The following NKX2-6 variants were observed in gnomAD, a reference collection of about 807,000 sequenced individuals.
NKX2-6 encodes NK2 homeobox 6, also known as homeobox protein Nkx-2.6.
Under a neutral mutation model 8.6 loss-of-function variants are expected in NKX2-6, and 8 were observed. The ratio of observed to expected loss-of-function variants is 0.93; its 90% CI spans 0.54 to 1.67. The LOEUF is 1.67. Ranked by LOEUF, NKX2-6 falls within the 40% of genes most tolerant of loss-of-function variation. The pLI is 0.00. For missense variants in NKX2-6, 475 were observed against 423.1 expected (o/e 1.12, Z -1.08); for synonymous variants, 210 against 199.3 (o/e 1.05, Z -0.45).
rs552633150 is a variant in NKX2-6, at chr8:23,702,913, C to T, written c.444G>A (p.Glu148=). The change falls in exon 2 of 2, where the codon GAG becomes GAA. Residue 148 remains glutamate, a synonymous_variant. Coordinates refer to ENST00000325017, the MANE Select transcript of NKX2-6 (RefSeq NM_001136271.3). ...LFSQAQVLAL[E]RRFKQQRYLS... ...GGTACCGCTGCTGCTTGAAGCGCCG[C>T]TCCAGGGCCAGCACCTGCGCCTGCG... 229 of 1,552,006 alleles carry T rather than the reference C, an allele frequency of 1.5e-4. No individual in the cohort carries two copies. Among genetic ancestry groups the T allele is most frequent in the African/African-American group, 3.0e-4 (22 of 73,244 alleles).
chr8:23,706,290 C>A, intron 1 of NKX2-6, 35 bp downstream of exon 1: 1 of 1,498,876 alleles, frequency 6.7e-7, no homozygotes, highest in Non-Finnish European at 9.0e-7. Context: ...CCCCACATTC[C>A]CCCCGTAGGA....
Position 23,702,449 on chromosome 8 carries a change from C to A in NKX2-6, c.*2G>T. The A allele has an allele frequency of 1.4e-6, 2 of 1,449,396 alleles. No homozygotes were observed. The highest frequency in any genetic ancestry group is 1.8e-6 in the Non-Finnish European group (2 of 1,100,696). The allele number at this position is 1,449,396 out of a possible 1,614,324, so 89.8% of individuals were successfully genotyped here. A position where few individuals can be genotyped will look rare whatever the true frequency, so the allele number is the denominator to read the frequency against. On this transcript the variant is annotated 3_prime_UTR_variant, in exon 2 of 2. Coordinates refer to ENST00000325017, the MANE Select transcript of NKX2-6 (RefSeq NM_001136271.3). Reference sequence around the variant, plus strand: ...TGGTTGGCAGAGTCAAGCCGAGGAGCCTCACCAGGCCCTGACACCCTGCAG... The same window carrying A: ...TGGTTGGCAGAGTCAAGCCGAGGAGACTCACCAGGCCCTGACACCCTGCAG...
chr8:23,701,962 C>T lies in NKX2-6; in HGVS notation c.*489G>A, dbSNP rs943706142. On this transcript the variant is annotated 3_prime_UTR_variant, in exon 2 of 2. Transcript: ENST00000325017. Reference sequence around the variant, plus strand: ...GTTACTCTTCGTGAACTTCCCGGATCCTCAAGTTCCCAGCTCTTCAGCCCC... The same window carrying T: ...GTTACTCTTCGTGAACTTCCCGGATTCTCAAGTTCCCAGCTCTTCAGCCCC... 9.2e-5 allele frequency among the ~76,000 whole-genome samples: 14 copies of T among 152,146 alleles called. No homozygotes were observed. Among genetic ancestry groups the T allele is most frequent in the African/African-American group, 3.4e-4 (14 of 41,434 alleles).
In NKX2-6 at chr8:23,702,687, C is replaced by G. The variant is rs991694173; in HGVS notation, c.670G>C (p.Gly224Arg). Residue 224 changes from glycine to arginine, a missense_variant, in exon 2 of 2, where the codon GGG (glycine) becomes CGG (arginine). Physicochemically the swap from Gly to Arg is moderately radical, Grantham distance 125. Transcript: ENST00000325017. ...VRDGKPCLGP[G>R]PGAPAFPSPY... ...CTGGGGAAGGCAGGTGCGCCGGGCC[C>G]GGGGCCCAGGCAGGGCTTGCCATCG... The G allele has an allele frequency of 6.4e-7, 1 of 1,550,842 alleles. No homozygotes were observed. The highest frequency in any genetic ancestry group is 1.4e-5 in the African/African-American group (1 of 73,018).
rs913676984 is a variant in NKX2-6 at position 23,702,942 on chromosome 8, A to C, written c.415T>G (p.Phe139Val). 5.2e-6 allele frequency: 8 copies of C among 1,548,802 alleles called. No individual in the cohort carries two copies. Among genetic ancestry groups the C allele is most frequent in the African/African-American group, 1.4e-5 (1 of 72,990 alleles). The change falls in exon 2 of 2, where the codon TTT becomes GTT. Residue 139 changes from phenylalanine to valine, a missense_variant. Phe to Val is a conservative substitution (Grantham distance 50). Coordinates refer to ENST00000325017, the MANE Select transcript of NKX2-6 (RefSeq NM_001136271.3). ...ARQRRKPRVL[F>V]SQAQVLALER... Reference sequence around the variant, plus strand: ...AGGGCCAGCACCTGCGCCTGCGAAAAGAGCACGCGCGGCTTCCGTCGTTGC... The same window carrying C: ...AGGGCCAGCACCTGCGCCTGCGAAACGAGCACGCGCGGCTTCCGTCGTTGC...
chr8:23,706,669 G>C lies in NKX2-6; in HGVS notation c.-71C>G. Reference sequence around the variant, plus strand: ...GGCACCCTGAACTTCCCGTCTTGTCGCTGCAGGCCCCGCAGACAGACCCAA... The same window carrying C: ...GGCACCCTGAACTTCCCGTCTTGTCCCTGCAGGCCCCGCAGACAGACCCAA... On this transcript the variant is annotated 5_prime_UTR_variant, in exon 1 of 2. Coordinates refer to ENST00000325017, the MANE Select transcript of NKX2-6 (RefSeq NM_001136271.3). The C allele has an allele frequency of 7.0e-7, 1 of 1,437,460 alleles. No homozygotes were observed. The highest frequency in any genetic ancestry group is 1.4e-5 in the South Asian group (1 of 73,688). The allele number at this position is 1,437,460 out of a possible 1,614,324, so 89.0% of individuals were successfully genotyped here.
In NKX2-6 at chr8:23,702,136, T is replaced by C. The variant is rs1801014688; in HGVS notation, c.*315A>G. Among the ~76,000 whole-genome samples, 1 of 152,190 alleles carries C rather than the reference T, an allele frequency of 6.6e-6. No homozygotes were observed. The highest frequency in any genetic ancestry group is 2.4e-5 in the African/African-American group (1 of 41,446). ...CAAGAGCCTCTCGGGCCTCTGGGGT[T>C]GAAGCCCCAAAAGTCACGCGCCTTA... On this transcript the variant is annotated 3_prime_UTR_variant, in exon 2 of 2. Coordinates refer to ENST00000325017, the MANE Select transcript of NKX2-6 (RefSeq NM_001136271.3).
chr8:23,704,879 T>G (rs916380903), intron 1 of NKX2-6, among the ~76,000 whole-genome samples: 4 of 152,158 alleles, frequency 2.6e-5, no homozygotes, highest in Non-Finnish European at 4.4e-5. Context: ...CGCCCTTCTG[T>G]TCACAATCCT....
chr8:23,701,849 G>GA lies in NKX2-6; in HGVS notation c.*601dup, dbSNP rs1202374399. Among the ~76,000 whole-genome samples the GA allele has an allele frequency of 2.6e-5, 4 of 152,180 alleles. No homozygotes were observed. The highest frequency in any genetic ancestry group is 2.6e-4 in the Admixed American group (4 of 15,274). On this transcript the variant is annotated 3_prime_UTR_variant, in exon 2 of 2. Transcript: ENST00000325017. The stretch of plus-strand genomic sequence containing the variant: ...ACTTCCAGGAGAGCAGTCGTGGCCA[G>GA]AAAAGAGTGCTCCTCTGGATTAACG...
rs1013079722 is a variant in NKX2-6 at position 23,702,952 on chromosome 8, C to G, written c.405G>C (p.Pro135=). The G allele has an allele frequency of 6.5e-7, 1 of 1,547,384 alleles. No homozygotes were observed. The highest frequency in any genetic ancestry group is 8.7e-7 in the Non-Finnish European group (1 of 1,145,658). Residue 135 remains proline, a synonymous_variant, in exon 2 of 2, where the codon CCG becomes CCC. Transcript: ENST00000325017. ...EQPKARQRRK[P]RVLFSQAQVL... Reference sequence around the variant, plus strand: ...CCTGCGCCTGCGAAAAGAGCACGCGCGGCTTCCGTCGTTGCCGCGCCTTGG... The same window carrying G: ...CCTGCGCCTGCGAAAAGAGCACGCGGGGCTTCCGTCGTTGCCGCGCCTTGG...
intron 1 of NKX2-6, among the ~76,000 whole-genome samples, chr8:23,705,706 C>G (rs1334480075): frequency 6.6e-6 from 1 of 152,246 alleles, no homozygotes; most frequent in South Asian, 2.1e-4. Context: ...CAACCTTTAA[C>G]GTTCTCCCTG....
rs1371291272 is a variant in NKX2-6 at position 23,703,050 on chromosome 8, C to A, written c.307G>T (p.Gly103Cys). ...PGLNAASPLG[G>C]GTRVPERGVG... The stretch of plus-strand genomic sequence containing the variant: ...CCGCGCTCTGGCACCCTGGTCCCGC[C>A]GCCGAGGGGCGAGGCCGCGTTCAGG... The change falls in exon 2 of 2, where the codon GGC (glycine) becomes TGC (cysteine). Residue 103 changes from glycine to cysteine, a missense_variant. Physicochemically the swap from Gly to Cys is radical, Grantham distance 159. Transcript: ENST00000325017. The A allele has an allele frequency of 7.8e-6, 12 of 1,540,176 alleles. No homozygotes were observed. The Admixed American group carries it at 7.9e-5, about 10-fold the overall frequency.
At position 23,706,661 on chromosome 8, in the gene NKX2-6, G is replaced by T. The variant is rs1417812947; in HGVS notation, c.-63C>A. On this transcript the variant is annotated 5_prime_UTR_variant, in exon 1 of 2. Coordinates refer to ENST00000325017, the MANE Select transcript of NKX2-6 (RefSeq NM_001136271.3). Reference sequence around the variant, plus strand: ...TGAGGAGCGGCACCCTGAACTTCCCGTCTTGTCGCTGCAGGCCCCGCAGAC... The same window carrying T: ...TGAGGAGCGGCACCCTGAACTTCCCTTCTTGTCGCTGCAGGCCCCGCAGAC... The T allele has an allele frequency of 9.6e-6, 14 of 1,459,602 alleles. No homozygotes were observed. The highest frequency in any genetic ancestry group is 1.3e-5 in the Non-Finnish European group (14 of 1,097,192). The allele number at this position is 1,459,602 out of a possible 1,614,324, so 90.4% of individuals were successfully genotyped here. A position where few individuals can be genotyped will look rare whatever the true frequency, so the allele number is the denominator to read the frequency against.
intron 1 of NKX2-6, among the ~76,000 whole-genome samples, chr8:23,703,835 AAGG>A (rs1361107644): frequency 1.3e-5 from 2 of 152,274 alleles, no homozygotes; most frequent in East Asian, 1.9e-4. Flanking sequence ...GTAGAGAAAG[AAGG>A]AGAAGAAAGA....
In NKX2-6 at chr8:23,702,496, C is replaced by T. The variant is rs1386664548; in HGVS notation, c.861G>A (p.Pro287=). 2 of 1,518,674 alleles carry T rather than the reference C, an allele frequency of 1.3e-6. No individual in the cohort carries two copies. The allele number at this position is 1,518,674 out of a possible 1,614,324, so 94.1% of individuals were successfully genotyped here. The change falls in exon 2 of 2, where the codon CCG becomes CCA. Residue 287 remains proline, a synonymous_variant. Transcript: ENST00000325017. Reference sequence around the variant, plus strand: ...GCAGCGTGGCTGCCAGATGGCCCTGCGGGGTGGCATTCTGGCCACCGTGTC... The same window carrying T: ...GCAGCGTGGCTGCCAGATGGCCCTGTGGGGTGGCATTCTGGCCACCGTGTC... The part of the protein sequence containing the change: ...GFGHGGQNAT[P]QGHLAATLQG...
intron 1 of NKX2-6, among the ~76,000 whole-genome samples, chr8:23,705,223 T>C (rs1050479180): frequency 6.6e-5 from 10 of 152,266 alleles, no homozygotes; most frequent in Non-Finnish European, 1.5e-4. Flanking sequence ...TAGAATCCGC[T>C]GCAGAAAACC....
chr8:23,702,393 G>A lies in NKX2-6; in HGVS notation c.*58C>T. ...CGTCCCCTCCTTGTCACGACCTGCG[G>A]GCGGAGGGGAAGGGAACGAGCATCT... On this transcript the variant is annotated 3_prime_UTR_variant, in exon 2 of 2. Transcript: ENST00000325017. The A allele has an allele frequency of 7.1e-7, 1 of 1,408,922 alleles. No homozygotes were observed. The highest frequency in any genetic ancestry group is 3.0e-5 in the Admixed American group (1 of 33,394). The allele number at this position is 1,408,922 out of a possible 1,614,324, so 87.3% of individuals were successfully genotyped here.
At position 23,706,372 on chromosome 8, in the gene NKX2-6, G is replaced by A. The variant is rs1489444394; in HGVS notation, c.227C>T (p.Pro76Leu). 5 of 1,551,284 alleles carry A rather than the reference G, an allele frequency of 3.2e-6. No individual in the cohort carries two copies. The highest frequency in any genetic ancestry group is 1.7e-4 in the Middle Eastern group (1 of 6,014). ...GTCCATCTCCAAGACTGCCTCACAG[G>A]GACCCCCAGGAGGCTCCGAACCATC... Reference protein sequence around the residue: ...KLDGSEPPGGPCEAVLEMDAE... With the variant: ...KLDGSEPPGGLCEAVLEMDAE... Residue 76 changes from proline to leucine, a missense_variant, in exon 1 of 2, where the codon CCC becomes CTC. Transcript: ENST00000325017.
At position 23,702,623 on chromosome 8, in the gene NKX2-6, C is replaced by G; in HGVS notation, c.734G>C (p.Gly245Ala). Residue 245 changes from glycine to alanine, a missense_variant, in exon 2 of 2, where the codon GGA (glycine) becomes GCA (alanine). Physicochemically the swap from Gly to Ala is moderately conservative, Grantham distance 60. Transcript: ENST00000325017. ...GCCGTAGGGTGCTCCGCTGTAGCCT[C>G]CGTAGCAAGAGTAGGGCGACACTGC... ...SAAVSPYSCY[G>A]GYSGAPYGAG... 6.5e-7 allele frequency: 1 copy of G among 1,548,984 alleles called. No individual in the cohort carries two copies. Among genetic ancestry groups the G allele is most frequent in the African/African-American group, 1.4e-5 (1 of 73,144 alleles).
Sources: gnomAD v4.1 joint callset for allele counts (sites outside exome capture counted in the v4.1 genomes callset) on GRCh38, gnomAD v4.1.1 for gene constraint, MANE v1.5 for transcripts, NCBI Gene and HGNC (gene_info 2026-07-23, HGNC 2026-07-21) for gene names.